The following RASAL2 variants were observed in gnomAD, a reference collection of about 807,000 sequenced individuals.
The protein encoded by RASAL2 is RAS protein activator like 2.
Under a neutral mutation model 128.9 loss-of-function variants are expected in RASAL2, and 58 were observed. The observed-to-expected ratio is 0.45, with a 90% confidence interval of 0.36 to 0.56. The LOEUF (loss-of-function observed/expected upper bound fraction) is 0.56. RASAL2 is among the 20% of genes least tolerant of loss of function. The probability of loss-of-function intolerance (pLI) is 0.00; values close to 1 mark genes in which losing one functional copy is unlikely to be tolerated. For synonymous variants in RASAL2, 561 were observed against 580.8 expected (o/e 0.97, Z 0.49); for missense variants, 1,360 against 1,601.6 (o/e 0.85, Z 2.57).
At chr1:178,173,043 A>C (rs1661756737) in intron 1 of RASAL2, among the ~76,000 whole-genome samples, 1 of 152,100 alleles carries the variant, frequency 6.6e-6, no homozygotes, top group Non-Finnish European at 1.5e-5. Context: ...ACCTATGTGC[A>C]TGTGTGGTTG....
chr1:178,236,574 T>G (rs1028759818), intron 1 of RASAL2, among the ~76,000 whole-genome samples: 1 of 152,154 alleles, frequency 6.6e-6, no homozygotes, highest in African/African-American at 2.4e-5. Context: ...GCTCATTGTT[T>G]TCCAAGGAAG....
intron 1 of RASAL2, among the ~76,000 whole-genome samples, chr1:178,205,513 T>A (rs554421436): frequency 6.6e-6 from 1 of 152,018 alleles, no homozygotes; most frequent in African/African-American, 2.4e-5. Context: ...TCCCAGCACT[T>A]TGGGAGGCTG....
chr1:178,173,025 G>A (rs1661754897), intron 1 of RASAL2, among the ~76,000 whole-genome samples: 1 of 152,040 alleles, frequency 6.6e-6, no homozygotes, highest in Non-Finnish European at 1.5e-5. Flanking sequence ...AATTATAAAT[G>A]GATTTTCACC....
Position 178,260,582 on chromosome 1 carries a change from C to T in RASAL2, c.203-22982C>T, listed in dbSNP as rs116583923. 8.1e-3 allele frequency among the ~76,000 whole-genome samples: 1,215 copies of T among 150,466 alleles called. 5 individuals are homozygous for T. The highest frequency in any genetic ancestry group is 0.027 in the Middle Eastern group (8 of 292). On this transcript the variant is annotated intron_variant, in intron 1 of 17. Transcript: ENST00000367649. ...TCATACAAAGTTTTTAAAAAGTCTT[C>T]CAAATAAGAAAAAACAAATTCACTT...
rs2221752 is a variant in RASAL2 at position 178,445,464 on chromosome 1, A to G, written c.1483-54A>G. The G allele has an allele frequency of 7.9e-3, 12,296 of 1,560,614 alleles. 694 individuals carry two copies. In the African/African-American group the frequency reaches 0.13, roughly 17 times the overall value. On this transcript the variant is annotated intron_variant, in intron 8 of 17. Coordinates refer to ENST00000367649, the MANE Select transcript of RASAL2 (RefSeq NM_170692.4). ...GTCTGATATTTCAAAAGTCTCTTCT[A>G]ATGTGTATTATTTATTCAGTTGCTT...
intron 1 of RASAL2, among the ~76,000 whole-genome samples, chr1:178,188,583 A>G (rs958762606): frequency 6.6e-6 from 1 of 152,164 alleles, no homozygotes; most frequent in African/African-American, 2.4e-5. Context: ...ACATCACCAA[A>G]AAGTCTGCCA....
intron 1 of RASAL2, among the ~76,000 whole-genome samples, chr1:178,145,400 C>G (rs1463027922): frequency 6.6e-6 from 1 of 151,702 alleles, no homozygotes; most frequent in Non-Finnish European, 1.5e-5. Flanking sequence ...GAGAGTATTT[C>G]TCTTAAAGTT....
chr1:178,174,073 T>TC, intron 1 of RASAL2, among the ~76,000 whole-genome samples: 1 of 152,138 alleles, frequency 6.6e-6, no homozygotes, highest in Admixed American at 6.6e-5. Flanking sequence ...TGCAGCCTCT[T>TC]CCTTTTGCTT....
At chr1:178,266,311 T>C (rs1665950066) in intron 1 of RASAL2, among the ~76,000 whole-genome samples, 1 of 152,248 alleles carries the variant, frequency 6.6e-6, no homozygotes, top group Non-Finnish European at 1.5e-5. Flanking sequence ...TTAATTTGCA[T>C]TTCCCTGATG....
intron 14 of RASAL2, among the ~76,000 whole-genome samples, chr1:178,461,760 C>T (rs943684375): frequency 2.0e-5 from 3 of 152,160 alleles, no homozygotes; most frequent in Non-Finnish European, 2.9e-5. Flanking sequence ...TTAATTTATT[C>T]GGCCCTTTCT....
At chr1:178,225,513 C>A (rs6668052) in intron 1 of RASAL2, among the ~76,000 whole-genome samples, 7,436 of 151,912 alleles carry the variant, frequency 0.049, 263 homozygotes, top group African/African-American at 0.1. Context: ...TTATCTCTTA[C>A]ATTTTTTTCT....
At chr1:178,172,373 G>A (rs1013950341) in intron 1 of RASAL2, among the ~76,000 whole-genome samples, 2 of 151,954 alleles carry the variant, frequency 1.3e-5, no homozygotes, top group African/African-American at 4.8e-5. Context: ...TAATGAGATA[G>A]ATAAAAATAT....
chr1:178,250,938 A>G (rs1665026446), intron 1 of RASAL2, among the ~76,000 whole-genome samples: 1 of 152,210 alleles, frequency 6.6e-6, no homozygotes, highest in Non-Finnish European at 1.5e-5. Context: ...TAAAGCTCTT[A>G]GTACAGTCAA....
chr1:178,371,430 G>A (rs1671712899), intron 3 of RASAL2, among the ~76,000 whole-genome samples: 1 of 151,068 alleles, frequency 6.6e-6, no homozygotes, highest in African/African-American at 2.4e-5. Context: ...GCCCAGAATT[G>A]CCCCCAAGTT....
intron 5 of RASAL2, among the ~76,000 whole-genome samples, chr1:178,426,901 C>T (rs1050319164): frequency 3.9e-5 from 6 of 152,126 alleles, no homozygotes; most frequent in South Asian, 2.1e-4. Flanking sequence ...ATGGATTAAT[C>T]CAGCAGTGGA....
At chr1:178,224,257 C>A (rs1330868454) in intron 1 of RASAL2, among the ~76,000 whole-genome samples, 2 of 148,810 alleles carry the variant, frequency 1.3e-5, no homozygotes, top group Non-Finnish European at 3.0e-5. Context: ...TAAAGGTGTT[C>A]ATTATGGTTT....
At chr1:178,151,404 C>T (rs1340358150) in intron 1 of RASAL2, among the ~76,000 whole-genome samples, 1 of 151,868 alleles carries the variant, frequency 6.6e-6, no homozygotes, top group Non-Finnish European at 1.5e-5. Context: ...GACTCTGTCT[C>T]AAAAATAAAA....
intron 1 of RASAL2, among the ~76,000 whole-genome samples, chr1:178,196,939 G>A (rs945322752): frequency 5.3e-5 from 8 of 152,228 alleles, no homozygotes; most frequent in African/African-American, 1.2e-4. Context: ...TGAAGGACAT[G>A]TAGAGCAATA....
At chr1:178,345,572 A>G (rs760348163) in intron 3 of RASAL2, among the ~76,000 whole-genome samples, 2 of 152,046 alleles carry the variant, frequency 1.3e-5, no homozygotes, top group Non-Finnish European at 2.9e-5. Flanking sequence ...CATTTTTAAG[A>G]TTCTGGTTTG....
Sources: gnomAD v4.1 joint callset for allele counts (sites outside exome capture counted in the v4.1 genomes callset) on GRCh38, gnomAD v4.1.1 for gene constraint, MANE v1.5 for transcripts, NCBI Gene and HGNC (gene_info 2026-07-23, HGNC 2026-07-21) for gene names.